Variants in CACNA2D1 observed in about 807,000 individuals in gnomAD.
CACNA2D1 encodes the protein voltage-dependent calcium channel subunit alpha-2/delta-1.
CACNA2D1 carries 53 observed loss-of-function variants against 171.5 expected under a neutral mutation model. The ratio of observed to expected loss-of-function variants is 0.31; its 90% CI spans 0.25 to 0.39. CACNA2D1 has a LOEUF of 0.39. Among genes scored for constraint, CACNA2D1 ranks in the 10% least tolerant of loss-of-function variants. The probability of loss-of-function intolerance (pLI) is 1.00; values close to 1 mark genes in which losing one functional copy is unlikely to be tolerated. For missense variants in CACNA2D1, 903 were observed against 1,299.8 expected, an observed-to-expected ratio of 0.69 and a Z score of 4.69; for synonymous variants, 442 against 443.1, an observed-to-expected ratio of 1.00 and a Z score of 0.03.
At chr7:82,326,776 T>A (rs541816250) in intron 3 of CACNA2D1, among the ~76,000 whole-genome samples, 1 of 145,714 alleles carries the variant, frequency 6.9e-6, no homozygotes, top group South Asian at 2.4e-4. Context: ...TAAAAATGTC[T>A]ACTACTTACT....
chr7:81,954,219 T>G (rs2130020683), intron 38 of CACNA2D1, among the ~76,000 whole-genome samples: 1 of 152,208 alleles, frequency 6.6e-6, no homozygotes, highest in African/African-American at 2.4e-5. Context: ...TCGGTCTGAT[T>G]TTTAAATGAT....
rs1156939668 is a variant in CACNA2D1, at chr7:81,948,844, A to G, written c.*1548T>C. The G allele has an allele frequency of 2.0e-5, 3 of 151,942 alleles. No individual in the cohort carries two copies. Among genetic ancestry groups the G allele is most frequent in the African/African-American group, 7.2e-5 (3 of 41,422 alleles). 9.4% of individuals were successfully genotyped at this position (151,942 alleles called of 1,614,324 possible). A position where few individuals can be genotyped will look rare whatever the true frequency, so the allele number is the denominator to read the frequency against. On this transcript the variant is annotated 3_prime_UTR_variant, in exon 39 of 39. Transcript: ENST00000356860. ...CAAATACTGTTTGCTCCAGAAAATA[A>G]TTTTTAAAAGCATAAATAATCTGCT...
rs557053893 is a variant in CACNA2D1 at position 82,121,819 on chromosome 7, G to A, written c.397-4646C>T. On this transcript the variant is annotated intron_variant, in intron 5 of 38. Transcript: ENST00000356860. Reference sequence around the variant, plus strand: ...TTGATGAAGAACAAATTATTTTATGGATTCAGAAGATTATGCCCATTCTTC... The same window carrying A: ...TTGATGAAGAACAAATTATTTTATGAATTCAGAAGATTATGCCCATTCTTC... Among the ~76,000 whole-genome samples, 503 of 152,170 alleles carry A rather than the reference G, an allele frequency of 3.3e-3. 6 individuals are homozygous for A. The highest frequency in any genetic ancestry group is 0.028 in the South Asian group (137 of 4,826).
intron 6 of CACNA2D1, among the ~76,000 whole-genome samples, chr7:82,091,634 C>T (rs1811176003): frequency 6.6e-6 from 1 of 152,140 alleles, no homozygotes; most frequent in Non-Finnish European, 1.5e-5. Context: ...TTTAATGTCA[C>T]TTGAAATAAA....
chr7:82,110,063 T>C (rs1378726165), intron 6 of CACNA2D1, among the ~76,000 whole-genome samples: 1 of 152,338 alleles, frequency 6.6e-6, no homozygotes, highest in East Asian at 1.9e-4. Flanking sequence ...CTGTCCATCA[T>C]ACCTCCTGTT....
At chr7:82,003,042 TTTG>T (rs1412615186) in intron 18 of CACNA2D1, among the ~76,000 whole-genome samples, 3 of 152,164 alleles carry the variant, frequency 2.0e-5, no homozygotes, top group African/African-American at 7.2e-5. Context: ...TTCCTTTGTA[TTTG>T]TTGATTTCTA....
intron 4 of CACNA2D1, among the ~76,000 whole-genome samples, chr7:82,146,978 C>T (rs1226887322): frequency 1.4e-5 from 1 of 72,712 alleles, no homozygotes; most frequent in Non-Finnish European, 2.5e-5. Flanking sequence ...GCAAGACTCC[C>T]ATCTCAAAAA....
At chr7:82,014,277 C>A in intron 13 of CACNA2D1, 124 bp downstream of exon 13, 1 of 660,934 alleles carries the variant, frequency 1.5e-6, no homozygotes, top group Non-Finnish European at 2.7e-6. Context: ...TGTTCAGAAT[C>A]TTACTCTTGT....
At chr7:82,321,576 T>C (rs1190827831) in intron 3 of CACNA2D1, among the ~76,000 whole-genome samples, 2 of 152,066 alleles carry the variant, frequency 1.3e-5, no homozygotes, top group African/African-American at 4.8e-5. Context: ...TTTGATACTG[T>C]GTATAAAGCA....
intron 4 of CACNA2D1, among the ~76,000 whole-genome samples, chr7:82,137,748 C>T (rs1056673037): frequency 5.3e-5 from 7 of 131,274 alleles, no homozygotes; most frequent in African/African-American, 1.5e-4. Context: ...GGCGTGGTGG[C>T]GGGTGCCTGT....
rs1434792518 is a variant in CACNA2D1 at position 82,129,921 on chromosome 7, G to A, written c.396+6714C>T. 2.6e-5 allele frequency among the ~76,000 whole-genome samples: 4 copies of A among 152,192 alleles called. No individual in the cohort carries two copies. In the South Asian group the frequency reaches 6.2e-4, roughly 24 times the overall value. On this transcript the variant is annotated intron_variant, in intron 5 of 38. Transcript: ENST00000356860. ...GCCACTGGTCAACAATAGGGCAAGCGTTTTCTTCAAGGTATGTATTTCATT... is the reference window on the plus strand; with the variant it reads ...GCCACTGGTCAACAATAGGGCAAGCATTTTCTTCAAGGTATGTATTTCATT...
chr7:81,967,399 G>GT (rs1357375795), intron 30 of CACNA2D1, among the ~76,000 whole-genome samples, 192 bp from the exon 31 acceptor site: 1 of 151,352 alleles, frequency 6.6e-6, no homozygotes. Context: ...AGCATTGCAT[G>GT]TTATAACCTT....
At chr7:82,079,950 T>C (rs1358189812) in intron 7 of CACNA2D1, among the ~76,000 whole-genome samples, 2 of 151,848 alleles carry the variant, frequency 1.3e-5, no homozygotes, top group East Asian at 3.9e-4. Flanking sequence ...TTCTACAATA[T>C]GTGTGTGTAT....
Position 81,964,467 on chromosome 7 carries a change from A to G in CACNA2D1, c.2575-108T>C, listed in dbSNP as rs575022176. ...AGAAATAATACAAAGAAACTGAACT[A>G]CAACTGAGGAGCTTAAAAACAAAAG... On this transcript the variant is annotated intron_variant, in intron 32 of 38. Transcript: ENST00000356860. 21 of 826,384 alleles carry G rather than the reference A, an allele frequency of 2.5e-5. 1 individual carries two copies. In the Admixed American group the frequency reaches 5.0e-4, roughly 20 times the overall value. The allele number at this position is 826,384 out of a possible 1,614,324, so 51.2% of individuals were successfully genotyped here. A position where few individuals can be genotyped will look rare whatever the true frequency, so the allele number is the denominator to read the frequency against.
chr7:82,309,227 G>A (rs956603167), intron 3 of CACNA2D1, among the ~76,000 whole-genome samples: 7 of 151,982 alleles, frequency 4.6e-5, no homozygotes, highest in African/African-American at 9.7e-5. Context: ...CCAACATGAC[G>A]AAACCCTGTC....
intron 3 of CACNA2D1, among the ~76,000 whole-genome samples, chr7:82,309,051 T>C (rs929584736): frequency 1.3e-5 from 2 of 152,186 alleles, no homozygotes; most frequent in African/African-American, 4.8e-5. Context: ...ATATCTGTTA[T>C]GTATATGTGA....
intron 23 of CACNA2D1, 149 bp downstream of exon 23, chr7:81,983,165 C>A: frequency 1.5e-6 from 1 of 680,854 alleles, no homozygotes; most frequent in South Asian, 1.8e-5. Flanking sequence ...TTCTTTCTAC[C>A]ATTTTTTTGC....
intron 12 of CACNA2D1, among the ~76,000 whole-genome samples, chr7:82,022,702 T>A (rs1402564484): frequency 6.6e-6 from 1 of 151,972 alleles, no homozygotes; most frequent in Non-Finnish European, 1.5e-5. Flanking sequence ...TACAAACTAT[T>A]GACCATTTCT....
chr7:82,385,743 C>A lies in CACNA2D1; in HGVS notation c.96-36094G>T, dbSNP rs894507841. 9.9e-5 allele frequency among the ~76,000 whole-genome samples: 15 copies of A among 152,120 alleles called. No homozygotes were observed. In the South Asian group the frequency reaches 1.0e-3, roughly 11 times the overall value. On this transcript the variant is annotated intron_variant, in intron 1 of 38. Transcript: ENST00000356860. ...ATAGTGGTGCAATCTCGGCTCACTG[C>A]GACATCCATCTCCCAGGTTCAAACA...
Sources: allele counts gnomAD v4.1 joint callset (sites outside exome capture counted in the v4.1 genomes callset), GRCh38; gene constraint gnomAD v4.1.1; transcripts MANE v1.5; gene names NCBI Gene and HGNC (gene_info 2026-07-23, HGNC 2026-07-21).